The following DMXL2 variants were observed in gnomAD, a reference collection of about 807,000 sequenced individuals.
DMXL2 encodes the protein Dmx like 2.
In DMXL2, 103 loss-of-function variants were observed where a neutral mutation model predicts 331.1. That is an observed-to-expected ratio of 0.31 (90% CI 0.27 to 0.37). The LOEUF is 0.37. Ranked by LOEUF, DMXL2 falls within the 10% of genes least tolerant of loss-of-function variation. The pLI, the probability that DMXL2 is intolerant of heterozygous loss-of-function variation, is 1.00. For synonymous variants in DMXL2, 1,281 were observed against 1,252.1 expected (o/e 1.02, Z -0.49); for missense variants, 3,171 against 3,642.9 (o/e 0.87, Z 3.33).
chr15:51,508,933 T>G (rs767659689), intron 15 of DMXL2, among the ~76,000 whole-genome samples: 1 of 152,192 alleles, frequency 6.6e-6, no homozygotes, highest in Admixed American at 6.5e-5. Flanking sequence ...TAATATTCAA[T>G]GGAAGAAGCC....
rs970409817 is a variant in DMXL2 at position 51,542,199 on chromosome 15, T to C, written c.1105+134A>G. ...CCAATTCAAAAAATGGTACTTTATATTATATCTCTACTCCAATTAAGTATT... is the reference window on the plus strand; with the variant it reads ...CCAATTCAAAAAATGGTACTTTATACTATATCTCTACTCCAATTAAGTATT... On this transcript the variant is annotated intron_variant, in intron 9 of 43. Coordinates refer to ENST00000560891, the MANE Select transcript of DMXL2 (RefSeq NM_001378457.1). The C allele has an allele frequency of 3.6e-6, 3 of 840,222 alleles. No homozygotes were observed. The Admixed American group carries it at 8.6e-5, about 24-fold the overall frequency. The allele number at this position is 840,222 out of a possible 1,614,324, so 52.0% of individuals were successfully genotyped here.
intron 1 of DMXL2, among the ~76,000 whole-genome samples, chr15:51,580,457 C>G (rs2051332458): frequency 6.6e-6 from 1 of 152,162 alleles, no homozygotes; most frequent in Non-Finnish European, 1.5e-5. Flanking sequence ...AAAAGGACTG[C>G]AAGCCTTTTC....
Position 51,537,759 on chromosome 15 carries a change from T to A in DMXL2, c.1346A>T (p.Asp449Val). Residue 449 changes from aspartate to valine, a missense_variant and splice_region_variant, in exon 11 of 44, where the codon GAT (aspartate) becomes GTT (valine). Physicochemically the swap from Asp to Val is radical, Grantham distance 152 (BLOSUM62 -3). Coordinates refer to ENST00000560891, the MANE Select transcript of DMXL2 (RefSeq NM_001378457.1). ...ERGLHMKLDH[D>V]LSLDRESEAG... ...CTCAGATTCTCTATCCAGGGATAAA[T>A]CTGAACCAGAAAATATATTTATCAA... is the stretch of plus-strand genomic sequence containing the variant. The A allele has an allele frequency of 6.2e-7, 1 of 1,609,822 alleles. No individual in the cohort carries two copies. Among genetic ancestry groups the A allele is most frequent in the East Asian group, 2.2e-5 (1 of 44,754 alleles).
chr15:51,539,255 C>A (rs1338761448), intron 9 of DMXL2, among the ~76,000 whole-genome samples: 1 of 151,574 alleles, frequency 6.6e-6, no homozygotes, highest in Non-Finnish European at 1.5e-5. Context: ...GAAAACATTT[C>A]ATACACATAC....
At chr15:51,455,882 C>T (rs573413810) in intron 39 of DMXL2, among the ~76,000 whole-genome samples, 184 bp downstream of exon 39, 33 of 152,238 alleles carry the variant, frequency 2.2e-4, no homozygotes, top group African/African-American at 7.5e-4. Context: ...TTAATCCATA[C>T]TAAATTTTGT....
chr15:51,536,397 G>A lies in DMXL2; in HGVS notation c.2083C>T (p.Pro695Ser). The change falls in exon 12 of 44, where the codon CCT (proline) becomes TCT (serine). Residue 695 changes from proline to serine, a missense_variant. Around this residue, in one of 7 missense-constraint regions of DMXL2, gnomAD observed 1,674 missense variants for 1,780.2 expected, o/e 0.94. Coordinates refer to ENST00000560891, the MANE Select transcript of DMXL2 (RefSeq NM_001378457.1). Reference sequence around the variant, plus strand: ...GAGGAACCTTTTATATGTTTTACAGGGTCCATTAATCTACTTAATTTATTG... The same window carrying A: ...GAGGAACCTTTTATATGTTTTACAGAGTCCATTAATCTACTTAATTTATTG... ...SDNKLSRLMDPVKHIKGSSKQ... is the reference protein window; with the variant it reads ...SDNKLSRLMDSVKHIKGSSKQ... 6.2e-7 allele frequency: 1 copy of A among 1,613,532 alleles called. No individual in the cohort carries two copies. The highest frequency in any genetic ancestry group is 1.3e-5 in the African/African-American group (1 of 74,954).
At chr15:51,564,439 G>A (rs1394425011) in intron 4 of DMXL2, among the ~76,000 whole-genome samples, 179 bp from the exon 5 acceptor site, 1 of 151,672 alleles carries the variant, frequency 6.6e-6, no homozygotes, top group African/African-American at 2.4e-5. Flanking sequence ...AGAATCTTCT[G>A]GACAACAAAG....
At chr15:51,593,805 C>T (rs1432540597) in intron 1 of DMXL2, among the ~76,000 whole-genome samples, 2 of 152,184 alleles carry the variant, frequency 1.3e-5, no homozygotes, top group Non-Finnish European at 2.9e-5. Flanking sequence ...CAACCTGCTC[C>T]TGAATGACTA....
At position 51,481,597 on chromosome 15, in the gene DMXL2, C is replaced by T; in HGVS notation, c.5509G>A (p.Ala1837Thr). 1 of 1,565,056 alleles carries T rather than the reference C, an allele frequency of 6.4e-7. No homozygotes were observed. The highest frequency in any genetic ancestry group is 8.6e-7 in the Non-Finnish European group (1 of 1,159,854). The change falls in exon 24 of 44, where the codon GCA becomes ACA. Residue 1837 changes from alanine to threonine, a missense_variant. Coordinates refer to ENST00000560891, the MANE Select transcript of DMXL2 (RefSeq NM_001378457.1). ...QVIIKSCNPVAFSFYNYLRTH... is the reference protein window; with the variant it reads ...QVIIKSCNPVTFSFYNYLRTH... ...CGAAGGTAGTTATAAAAACTAAATG[C>T]CACCGGGTTACAAGACTTGATGATA...
chr15:51,531,737 A>G (rs1434376997), intron 13 of DMXL2, among the ~76,000 whole-genome samples: 1 of 152,222 alleles, frequency 6.6e-6, no homozygotes, highest in Non-Finnish European at 1.5e-5. Context: ...TTCTTAAAAG[A>G]AGACATACAA....
chr15:51,545,069 T>A (rs2048817934), intron 8 of DMXL2, among the ~76,000 whole-genome samples: 1 of 152,060 alleles, frequency 6.6e-6, no homozygotes, highest in South Asian at 2.1e-4. Context: ...ATAAAAATTA[T>A]TTCATTTTCA....
At chr15:51,557,234 T>C (rs1351937081) in intron 6 of DMXL2, among the ~76,000 whole-genome samples, 2 of 152,192 alleles carry the variant, frequency 1.3e-5, no homozygotes, top group Non-Finnish European at 2.9e-5. Context: ...TGCATTTCTA[T>C]ATACCAGTAA....
intron 25 of DMXL2, 95 bp downstream of exon 25, chr15:51,479,853 T>C: frequency 1.1e-6 from 1 of 937,286 alleles, no homozygotes; most frequent in Non-Finnish European, 1.5e-6. Flanking sequence ...GGTAGCACTT[T>C]GAAATATTTC....
At chr15:51,472,403 A>G (rs950405657) in intron 28 of DMXL2, among the ~76,000 whole-genome samples, 1 of 152,242 alleles carries the variant, frequency 6.6e-6, no homozygotes, top group Non-Finnish European at 1.5e-5. Flanking sequence ...TAACAATTTT[A>G]AAGTGTACAA....
At chr15:51,563,296 T>C (rs769849143) in intron 6 of DMXL2, 85 bp downstream of exon 6, 136 of 1,142,626 alleles carry the variant, frequency 1.2e-4, no homozygotes, top group Non-Finnish European at 1.6e-4. Context: ...GTTTTACAGA[T>C]GAGAAAACTG....
At chr15:51,535,530 T>A (rs774599951) in intron 13 of DMXL2, 133 bp downstream of exon 13, 1 of 717,078 alleles carries the variant, frequency 1.4e-6, no homozygotes, top group Non-Finnish European at 2.1e-6. Flanking sequence ...AAATGTGTCA[T>A]ATATATGTCA....
chr15:51,573,205 G>C (rs2050786737), intron 2 of DMXL2, among the ~76,000 whole-genome samples: 1 of 152,214 alleles, frequency 6.6e-6, no homozygotes, highest in South Asian at 2.1e-4. Flanking sequence ...ACAGATGCTG[G>C]AGAGGATGTG....
rs189535547 is a variant in DMXL2, at chr15:51,622,712, C to A, written c.-167G>T. ...CCTTTCGCCTTCCCTCCGCCTCGTC[C>A]CTGCCATGGGAGCTCCTCGACCGCC... On this transcript the variant is annotated 5_prime_UTR_variant, in exon 1 of 44. Transcript: ENST00000560891. 6,161 of 1,344,180 alleles carry A rather than the reference C, an allele frequency of 4.6e-3. 23 individuals are homozygous for A. The highest frequency in any genetic ancestry group is 5.1e-3 in the Non-Finnish European group (5,204 of 1,020,266). 83.3% of individuals were successfully genotyped at this position (1,344,180 alleles called of 1,614,324 possible).
intron 8 of DMXL2, among the ~76,000 whole-genome samples, chr15:51,544,378 A>T (rs1420065272): frequency 1.3e-5 from 2 of 152,108 alleles, no homozygotes; most frequent in African/African-American, 4.8e-5. Flanking sequence ...CTCCTGCTTC[A>T]CCTTCTGCCA....
Sources: gnomAD v4.1 joint callset for allele counts (sites outside exome capture counted in the v4.1 genomes callset) on GRCh38, gnomAD v4.1.1 for gene constraint, gnomAD v4.1.1 regional missense constraint, MANE v1.5 for transcripts, NCBI Gene and HGNC (gene_info 2026-07-23, HGNC 2026-07-21) for gene names.